SFMBT2: variants seen among roughly 807,000 people sequenced by gnomAD.
The protein encoded by SFMBT2 is Scm like with four mbt domains 2.
SFMBT2 carries 38 observed loss-of-function variants against 110.1 expected under a neutral mutation model. The ratio of observed to expected loss-of-function variants is 0.35; its 90% CI spans 0.27 to 0.45. The LOEUF is 0.45. Ranked by LOEUF, SFMBT2 falls within the 20% of genes least tolerant of loss-of-function variation. The pLI, the probability that SFMBT2 is intolerant of heterozygous loss-of-function variation, is 1.00. For missense variants in SFMBT2, 1,011 were observed against 1,094.9 expected (o/e 0.92, Z 1.08); for synonymous variants, 425 against 425.4 (o/e 1.00, Z 0.01).
chr10:7,261,193 G>A (rs1014753912), intron 7 of SFMBT2, among the ~76,000 whole-genome samples: 2 of 152,170 alleles, frequency 1.3e-5, no homozygotes, highest in Non-Finnish European at 2.9e-5. Context: ...CACTAGAAAC[G>A]CTCACCAATT....
intron 4 of SFMBT2, among the ~76,000 whole-genome samples, chr10:7,312,305 G>C (rs1842879908): frequency 6.6e-6 from 1 of 152,128 alleles, no homozygotes; most frequent in Non-Finnish European, 1.5e-5. Context: ...GGGCTCTAGA[G>C]GTCCGAGGGA....
chr10:7,276,862 T>G, intron 7 of SFMBT2, 30 bp downstream of exon 7: 1 of 850,926 alleles, frequency 1.2e-6, no homozygotes, highest in Non-Finnish European at 2.1e-6. Context: ...TCAAAAAGGG[T>G]AGATACATTG....
intron 20 of SFMBT2, chr10:7,164,177 A>T: frequency 1.1e-6 from 1 of 934,748 alleles, no homozygotes; most frequent in Non-Finnish European, 1.3e-6. Flanking sequence ...GCTTGAGACC[A>T]GGAGTTTGAG....
chr10:7,225,292 T>G (rs1217862493), intron 10 of SFMBT2, among the ~76,000 whole-genome samples: 2 of 152,242 alleles, frequency 1.3e-5, no homozygotes, highest in Non-Finnish European at 2.9e-5. Flanking sequence ...AGCATTTTAC[T>G]GTGTCGATTC....
intron 6 of SFMBT2, among the ~76,000 whole-genome samples, chr10:7,282,384 C>T (rs1841970435): frequency 6.6e-6 from 1 of 152,182 alleles, no homozygotes; most frequent in Admixed American, 6.5e-5. Flanking sequence ...AATTTGTACA[C>T]TGGCAAGTAG....
chr10:7,362,170 A>C (rs952049873), intron 4 of SFMBT2, among the ~76,000 whole-genome samples: 21 of 152,110 alleles, frequency 1.4e-4, no homozygotes, highest in African/African-American at 4.6e-4. Context: ...GTTCCTTAAT[A>C]CTTTTAATAT....
At chr10:7,410,280 C>T (rs1036561454) in intron 1 of SFMBT2, among the ~76,000 whole-genome samples, 4 of 152,248 alleles carry the variant, frequency 2.6e-5, no homozygotes, top group African/African-American at 9.6e-5. Flanking sequence ...TCCAAGGGAG[C>T]GATTCCGAAT....
intron 20 of SFMBT2, among the ~76,000 whole-genome samples, chr10:7,165,880 A>G (rs9424007): frequency 0.28 from 42,580 of 152,226 alleles, 6,876 homozygotes; most frequent in South Asian, 0.47. Context: ...GTACTGTGAA[A>G]TAAGTGTTTG....
At chr10:7,191,580 C>T (rs77447647) in intron 15 of SFMBT2, among the ~76,000 whole-genome samples, 3 of 152,330 alleles carry the variant, frequency 2.0e-5, no homozygotes, top group South Asian at 4.1e-4. Context: ...AAGGTCTCTG[C>T]GAGTATCCTC....
At chr10:7,228,738 TTC>T (rs56871421) in intron 9 of SFMBT2, among the ~76,000 whole-genome samples, 2,130 of 62,386 alleles carry the variant, frequency 0.034, 177 homozygotes, top group East Asian at 0.11. Flanking sequence ...TTTCTTTCCT[TTC>T]TCTCTCTCTC....
chr10:7,343,703 T>A (rs187494753), intron 4 of SFMBT2, among the ~76,000 whole-genome samples: 6 of 152,334 alleles, frequency 3.9e-5, no homozygotes, highest in African/African-American at 1.4e-4. Context: ...AAGAAGTGTC[T>A]ATTCATGTCC....
chr10:7,384,761 G>A (rs948374409), intron 1 of SFMBT2, among the ~76,000 whole-genome samples: 3 of 152,150 alleles, frequency 2.0e-5, no homozygotes, highest in Admixed American at 1.3e-4. Flanking sequence ...AGAACCCTCC[G>A]AATGATGGAC....
intron 1 of SFMBT2, among the ~76,000 whole-genome samples, chr10:7,396,003 G>C (rs1490947719): frequency 6.6e-6 from 1 of 152,138 alleles, no homozygotes; most frequent in Admixed American, 6.5e-5. Flanking sequence ...GGGAGGCTAA[G>C]GCAGGAGGAT....
intron 7 of SFMBT2, among the ~76,000 whole-genome samples, chr10:7,252,888 C>T (rs937465213): frequency 6.6e-6 from 1 of 152,080 alleles, no homozygotes; most frequent in Admixed American, 6.5e-5. Context: ...GGTGGGGGCT[C>T]GTGTCCAGAA....
intron 4 of SFMBT2, among the ~76,000 whole-genome samples, chr10:7,315,015 GAAAA>G (rs1474819759): frequency 5.8e-5 from 7 of 121,570 alleles, no homozygotes; most frequent in Non-Finnish European, 8.7e-5. Flanking sequence ...AAGAAAGAAA[GAAAA>G]GAGAGAGAAA....
chr10:7,318,079 C>G (rs531554159), intron 4 of SFMBT2, among the ~76,000 whole-genome samples: 1 of 152,342 alleles, frequency 6.6e-6, no homozygotes, highest in East Asian at 1.9e-4. Flanking sequence ...TTAACTGCAA[C>G]ACAGAAGTGT....
chr10:7,290,244 T>C (rs78689947), intron 4 of SFMBT2, among the ~76,000 whole-genome samples: 6,242 of 147,236 alleles, frequency 0.042, 237 homozygotes, highest in African/African-American at 0.1. Context: ...GGCAAACTCC[T>C]AGAAAGTCAT....
intron 4 of SFMBT2, among the ~76,000 whole-genome samples, chr10:7,359,642 T>A (rs1006318805): frequency 5.9e-5 from 9 of 152,208 alleles, no homozygotes; most frequent in African/African-American, 2.2e-4. Flanking sequence ...CCAAATAGCA[T>A]CTGATGCAAT....
At chr10:7,370,084 C>T (rs1845019730) in intron 3 of SFMBT2, among the ~76,000 whole-genome samples, 197 bp downstream of exon 3, 1 of 152,134 alleles carries the variant, frequency 6.6e-6, no homozygotes, top group Admixed American at 6.6e-5. Context: ...TGGTCTTGAA[C>T]TCCTCAATTC....
Sources: allele counts gnomAD v4.1 joint callset (sites outside exome capture counted in the v4.1 genomes callset), GRCh38; gene constraint gnomAD v4.1.1; transcripts MANE v1.5; gene names NCBI Gene and HGNC (gene_info 2026-07-23, HGNC 2026-07-21).